Variants in SETD2 observed in about 807,000 individuals in gnomAD.
SETD2 encodes histone-lysine N-methyltransferase SETD2.
Under a neutral mutation model 242.1 loss-of-function variants are expected in SETD2, and 31 were observed. That is an observed-to-expected ratio of 0.13 (90% CI 0.10 to 0.17). The LOEUF is 0.17. Among genes scored for constraint, SETD2 ranks in the 10% least tolerant of loss-of-function variants. SETD2 has a pLI of 1.00. For missense variants in SETD2, 2,481 were observed against 3,046.3 expected (o/e 0.81, Z 4.37); for synonymous variants, 1,006 against 1,066.5 (o/e 0.94, Z 1.11).
chr3:47,156,753 A>G (rs768841488), intron 1 of SETD2, among the ~76,000 whole-genome samples: 5 of 152,186 alleles, frequency 3.3e-5, no homozygotes, highest in Non-Finnish European at 7.3e-5. Flanking sequence ...TAAAGCTACT[A>G]AAGGTCCAGA....
In SETD2 at chr3:47,121,932, C is replaced by G. The variant is rs58906143; in HGVS notation, c.2704G>C (p.Glu902Gln). ...VDSLTLLKCGENTSPVLDAVL... is the reference protein window; with the variant it reads ...VDSLTLLKCGQNTSPVLDAVL... ...GCATCCAGAACTGGAGATGTGTTCT[C>G]TCCGCATTTCAAGAGAGTTAGACTG... is the stretch of plus-strand genomic sequence containing the variant. The change falls in exon 3 of 21, where the codon GAG becomes CAG. Residue 902 changes from glutamate to glutamine, a missense_variant. By Grantham distance (29) the Glu-to-Gln change is conservative. Coordinates refer to ENST00000409792, the MANE Select transcript of SETD2 (RefSeq NM_014159.7). 19,311 of 1,613,906 alleles carry G rather than the reference C, an allele frequency of 0.012. 1,982 individuals are homozygous for G. The African/African-American group carries it at 0.22, about 19-fold the overall frequency.
intron 9 of SETD2, among the ~76,000 whole-genome samples, chr3:47,097,263 C>A (rs2042046147): frequency 6.6e-6 from 1 of 152,128 alleles, no homozygotes; most frequent in South Asian, 2.1e-4. Context: ...ATGGATCCAG[C>A]CAGCTGGTTC....
At chr3:47,053,663 G>A (rs868358196) in intron 15 of SETD2, among the ~76,000 whole-genome samples, 86 of 152,180 alleles carry the variant, frequency 5.7e-4, no homozygotes, top group African/African-American at 1.8e-3. Context: ...TTACTTCACC[G>A]CCAAGGTTAT....
intron 12 of SETD2, among the ~76,000 whole-genome samples, chr3:47,073,068 T>C (rs2040896462): frequency 1.3e-5 from 2 of 151,484 alleles, no homozygotes; most frequent in African/African-American, 4.9e-5. Flanking sequence ...GTGGAGCTCT[T>C]GAGCCCAGGA....
chr3:47,048,856 C>G lies in SETD2; in HGVS notation c.6964-2235G>C, dbSNP rs534832219. On this transcript the variant is annotated intron_variant, in intron 15 of 20. Coordinates refer to ENST00000409792, the MANE Select transcript of SETD2 (RefSeq NM_014159.7). ...CTAATTTTTTTTATTTTAGCAGAGA[C>G]GGGGTTTCACCATGTTGGCCAGGAT... Among the ~76,000 whole-genome samples the G allele has an allele frequency of 4.0e-5, 6 of 151,862 alleles. No homozygotes were observed. In the South Asian group the frequency reaches 1.0e-3, roughly 26 times the overall value.
rs914458983 is a variant in SETD2 at position 47,049,969 on chromosome 3, T to C, written c.6964-3348A>G. Among the ~76,000 whole-genome samples the C allele has an allele frequency of 1.0e-4, 15 of 147,052 alleles. 1 individual carries two copies. Among genetic ancestry groups the C allele is most frequent in the Non-Finnish European group, 7.5e-5 (5 of 66,900 alleles). The stretch of plus-strand genomic sequence containing the variant: ...GTTTATATATTTGTACATATATTTA[T>C]ATGTTTTTCTTATATATATAAATTT... On this transcript the variant is annotated intron_variant, in intron 15 of 20. Transcript: ENST00000409792.
At chr3:47,081,551 G>A (rs752289616) in intron 12 of SETD2, among the ~76,000 whole-genome samples, 6 of 152,214 alleles carry the variant, frequency 3.9e-5, no homozygotes, top group East Asian at 1.9e-4. Context: ...TGCCGGGATC[G>A]TATGGATATA....
chr3:47,136,081 A>C (rs1328215449), intron 1 of SETD2, among the ~76,000 whole-genome samples: 1 of 152,154 alleles, frequency 6.6e-6, no homozygotes, highest in Non-Finnish European at 1.5e-5. Context: ...CAAATATAGC[A>C]TGGTCAAAAT....
rs2039543886 is a variant in SETD2, at chr3:47,046,628, G to C, written c.6964-7C>G. The C allele has an allele frequency of 6.2e-7, 1 of 1,601,218 alleles. No individual in the cohort carries two copies. Among genetic ancestry groups the C allele is most frequent in the African/African-American group, 1.3e-5 (1 of 74,346 alleles). On this transcript the variant is annotated splice_polypyrimidine_tract_variant and splice_region_variant and intron_variant, in intron 15 of 20. Transcript: ENST00000409792. Reference sequence around the variant, plus strand: ...GACTTGGCTGGGCATAACTCTAAAAGATAAAATGAAGAAATCAATAATTTA... The same window carrying C: ...GACTTGGCTGGGCATAACTCTAAAACATAAAATGAAGAAATCAATAATTTA...
intron 18 of SETD2, among the ~76,000 whole-genome samples, chr3:47,036,460 C>T (rs1382202371): frequency 6.6e-6 from 1 of 152,052 alleles, no homozygotes; most frequent in East Asian, 1.9e-4. Context: ...GTGGTTGAGA[C>T]ATGAGAACTG....
At chr3:47,037,864 T>C in intron 17 of SETD2, 87 bp from the exon 18 acceptor site, 5 of 901,448 alleles carry the variant, frequency 5.5e-6, no homozygotes, top group Non-Finnish European at 9.2e-6. Flanking sequence ...ATACATAAAA[T>C]ACAACATACA....
intron 13 of SETD2, among the ~76,000 whole-genome samples, chr3:47,065,721 T>C (rs912394384): frequency 5.9e-5 from 9 of 152,198 alleles, no homozygotes; most frequent in African/African-American, 2.2e-4. Context: ...GAGGATTGCC[T>C]GAGCCCAGGA....
chr3:47,072,335 C>T (rs921347057), intron 12 of SETD2, among the ~76,000 whole-genome samples: 7 of 151,856 alleles, frequency 4.6e-5, no homozygotes, highest in Admixed American at 2.0e-4. Context: ...AATTTACAGG[C>T]GCAAGATTTC....
In SETD2 at chr3:47,122,017, A is replaced by C; in HGVS notation, c.2619T>G (p.Pro873=). ...SVNHFDDLYQ[P]IGSSGIASSL... is the part of the protein sequence containing the mutation. ...ATGAAGCAATACCTGAACTCCCAAT[A>C]GGTTGATATAAATCATCAAAATGAT... The change falls in exon 3 of 21, where the codon CCT becomes CCG. Residue 873 remains proline, a synonymous_variant. Coordinates refer to ENST00000409792, the MANE Select transcript of SETD2 (RefSeq NM_014159.7). 6.2e-7 allele frequency: 1 copy of C among 1,613,872 alleles called. No homozygotes were observed. Among genetic ancestry groups the C allele is most frequent in the Non-Finnish European group, 8.5e-7 (1 of 1,179,932 alleles).
rs1451479186 is a variant in SETD2, at chr3:47,122,235, T to A, written c.2401A>T (p.Asn801Tyr). The change falls in exon 3 of 21, where the codon AAC (asparagine) becomes TAC (tyrosine). Residue 801 changes from asparagine to tyrosine, a missense_variant. Around this residue, in one of 17 missense-constraint regions of SETD2, gnomAD observed 1,300 missense variants for 1,259.2 expected, o/e 1.03. Transcript: ENST00000409792. ...SDIYCTLNDS[N>Y]PSLCNSEAEN... The stretch of plus-strand genomic sequence containing the variant: ...GCTTCAGAGTTACACAAAGAAGGGT[T>A]GCTATCGTTCAAAGTACAGTATATG... 1 of 1,614,164 alleles carries A rather than the reference T, an allele frequency of 6.2e-7. No individual in the cohort carries two copies. Among genetic ancestry groups the A allele is most frequent in the South Asian group, 1.1e-5 (1 of 91,084 alleles).
intron 3 of SETD2, among the ~76,000 whole-genome samples, chr3:47,118,462 C>T (rs145675180): frequency 2.0e-5 from 3 of 152,172 alleles, no homozygotes; most frequent in African/African-American, 7.2e-5. Flanking sequence ...TAGCTCACGC[C>T]TGTAATCCCA....
chr3:47,131,533 C>T lies in SETD2; in HGVS notation c.72-4870G>A, dbSNP rs371343291. 1.1e-4 allele frequency among the ~76,000 whole-genome samples: 16 copies of T among 151,762 alleles called. No individual in the cohort carries two copies. The East Asian group carries it at 2.2e-3, about 20-fold the overall frequency. On this transcript the variant is annotated intron_variant, in intron 1 of 20. Transcript: ENST00000409792. ...TAATTTTTTGCATTTTTAGTAGAAA[C>T]GGGGCTTCACCGTGTTAGCCAGGAT...
chr3:47,116,219 A>G (rs184451287), intron 4 of SETD2, among the ~76,000 whole-genome samples: 28 of 152,268 alleles, frequency 1.8e-4, no homozygotes, highest in Non-Finnish European at 3.7e-4. Flanking sequence ...AAAAATGACA[A>G]AACAATGGGA....
At position 47,122,961 on chromosome 3, in the gene SETD2, G is replaced by C. The variant is rs2106691806; in HGVS notation, c.1675C>G (p.Leu559Val). 6.2e-7 allele frequency: 1 copy of C among 1,613,786 alleles called. No individual in the cohort carries two copies. The highest frequency in any genetic ancestry group is 1.1e-5 in the South Asian group (1 of 91,038). Residue 559 changes from leucine (L) to valine (V), a missense_variant, in exon 3 of 21, where the codon CTT (leucine) becomes GTT (valine). Coordinates refer to ENST00000409792, the MANE Select transcript of SETD2 (RefSeq NM_014159.7). ...DSSASRYKST[L>V]SKPIPKSDKF... The stretch of plus-strand genomic sequence containing the variant: ...TCAGACTTGGGTATAGGTTTTGAAA[G>C]GGTAGATTTATAACGGGAAGCACTA...
Sources: allele counts gnomAD v4.1 joint callset (sites outside exome capture counted in the v4.1 genomes callset), GRCh38; gene constraint gnomAD v4.1.1; regional missense constraint gnomAD v4.1.1; transcripts MANE v1.5; gene names NCBI Gene and HGNC (gene_info 2026-07-23, HGNC 2026-07-21).